The following MEMO1 variants were observed in gnomAD, a reference collection of about 807,000 sequenced individuals.
The protein encoded by MEMO1 is protein MEMO1.
MEMO1 carries 6 observed loss-of-function variants against 45.2 expected under a neutral mutation model. The ratio of observed to expected loss-of-function variants is 0.13; its 90% confidence interval spans 0.07 to 0.26. The LOEUF (loss-of-function observed/expected upper bound fraction) is 0.26. Among genes scored for constraint, MEMO1 ranks in the 10% least tolerant of loss-of-function variants. The pLI is 1.00. For synonymous variants in MEMO1, 78 were observed against 124.3 expected (o/e 0.63, Z 2.48); for missense variants, 184 against 370.5 (o/e 0.50, Z 4.13).
chr2:31,947,376 C>T (rs1247404266), intron 2 of MEMO1, among the ~76,000 whole-genome samples: 1 of 152,108 alleles, frequency 6.6e-6, no homozygotes, highest in Non-Finnish European at 1.5e-5. Flanking sequence ...CTATTTATTA[C>T]GTATGATTGC....
chr2:31,901,374 CAAAAAAAAAAAAAA>C lies in MEMO1; in HGVS notation c.438-9254_438-9241del, dbSNP rs70964738. On this transcript the variant is annotated intron_variant, in intron 6 of 9. Transcript: ENST00000404530. ...AGCGAAAGAGTGAGACTCTGTCTCACAAAAAAAAAAAAAAAAAAAAAAAAAAAGAATTAACTACC... is the reference window on the plus strand; with the variant it reads ...AGCGAAAGAGTGAGACTCTGTCTCACAAAAAAAAAAAAAGAATTAACTACC... 6.5e-3 allele frequency among the ~76,000 whole-genome samples: 148 copies of C among 22,706 alleles called. 2 individuals carry two copies. The highest frequency in any genetic ancestry group is 0.019 in the African/African-American group (146 of 7,670). The allele number at this position is 22,706 out of a possible 152,430, so 14.9% of individuals were successfully genotyped here. A position where few individuals can be genotyped will look rare whatever the true frequency, so the allele number is the denominator to read the frequency against.
chr2:31,967,009 T>C (rs1427870028), intron 2 of MEMO1, among the ~76,000 whole-genome samples: 5 of 152,158 alleles, frequency 3.3e-5, no homozygotes, highest in South Asian at 4.1e-4. Context: ...AGGACAGAAA[T>C]AGTAATCCAT....
At chr2:31,901,590 C>G (rs549533966) in intron 6 of MEMO1, among the ~76,000 whole-genome samples, 11 of 152,004 alleles carry the variant, frequency 7.2e-5, no homozygotes, top group African/African-American at 2.7e-4. Flanking sequence ...CAAATGAACA[C>G]CAGGTTTCTT....
intron 2 of MEMO1, among the ~76,000 whole-genome samples, chr2:31,984,379 A>T (rs1459011434): frequency 6.6e-6 from 1 of 152,250 alleles, no homozygotes; most frequent in African/African-American, 2.4e-5. Context: ...ATTTCACAAA[A>T]TGCCTGACAG....
At chr2:31,933,340 A>ATATAT (rs1664451090) in intron 3 of MEMO1, among the ~76,000 whole-genome samples, 3 of 57,486 alleles carry the variant, frequency 5.2e-5, no homozygotes, top group African/African-American at 2.3e-4. Context: ...AAAAAAAAAA[A>ATATAT]AAAAAAAAAT....
Position 31,966,808 on chromosome 2 carries a change from C to T in MEMO1, c.62-23425G>A, listed in dbSNP as rs192863913. ...AAAAATATTGTATTTATGTTGAAAACAACCTGAGTAAACACTGCCACATTT... is the reference window on the plus strand; with the variant it reads ...AAAAATATTGTATTTATGTTGAAAATAACCTGAGTAAACACTGCCACATTT... On this transcript the variant is annotated intron_variant, in intron 2 of 9. Transcript: ENST00000404530. Among the ~76,000 whole-genome samples, 163 of 149,468 alleles carry T rather than the reference C, an allele frequency of 1.1e-3. 1 individual carries two copies. Among genetic ancestry groups the T allele is most frequent in the African/African-American group, 3.9e-3 (161 of 40,948 alleles).
chr2:31,869,050 G>C (rs1673283523), intron 9 of MEMO1, among the ~76,000 whole-genome samples: 1 of 152,036 alleles, frequency 6.6e-6, no homozygotes, highest in African/African-American at 2.4e-5. Flanking sequence ...TTCTTGAAAA[G>C]CTTTTCTTTG....
At chr2:31,978,042 C>T (rs1670207036) in intron 2 of MEMO1, among the ~76,000 whole-genome samples, 1 of 151,962 alleles carries the variant, frequency 6.6e-6, no homozygotes, top group Admixed American at 6.6e-5. Flanking sequence ...GCACCAACTA[C>T]ATGACTTTGA....
rs1680906028 is a variant in MEMO1, at chr2:31,913,347, G to A, written c.437+4579C>T. 4.0e-5 allele frequency among the ~76,000 whole-genome samples: 6 copies of A among 151,670 alleles called. No homozygotes were observed. In the South Asian group the frequency reaches 1.2e-3, roughly 32 times the overall value. On this transcript the variant is annotated intron_variant, in intron 6 of 9. Transcript: ENST00000404530. ...GTGGTTTATAATAGTGAAAAATGGG[G>A]GGAAGCTTAAAAGCTAAATGGTCAA...
intron 6 of MEMO1, among the ~76,000 whole-genome samples, chr2:31,892,409 G>T (rs577007363): frequency 2.8e-4 from 43 of 152,048 alleles, no homozygotes; most frequent in African/African-American, 1.0e-3. Flanking sequence ...TTACTACCAG[G>T]TATAATAACA....
intron 6 of MEMO1, among the ~76,000 whole-genome samples, chr2:31,903,052 T>C (rs1679103995): frequency 1.3e-5 from 2 of 152,150 alleles, no homozygotes; most frequent in Admixed American, 6.5e-5. Context: ...AATTTTAAAT[T>C]TGTTTAAATA....
At chr2:31,914,961 T>TAAAA (rs34556047) in intron 6 of MEMO1, among the ~76,000 whole-genome samples, 5 of 120,220 alleles carry the variant, frequency 4.2e-5, no homozygotes, top group Admixed American at 8.8e-5. Context: ...TGTCTCTTTT[T>TAAAA]AAAAAAAAAA....
intron 6 of MEMO1, among the ~76,000 whole-genome samples, chr2:31,899,326 C>A (rs1007293262): frequency 2.6e-5 from 4 of 152,152 alleles, no homozygotes; most frequent in African/African-American, 7.2e-5. Context: ...GGTACTGGTA[C>A]CAAAACAGAT....
chr2:31,997,736 T>C (rs1310591497), intron 2 of MEMO1, among the ~76,000 whole-genome samples: 3 of 152,192 alleles, frequency 2.0e-5, no homozygotes, highest in East Asian at 3.9e-4. Context: ...GGTCATAGTA[T>C]GTAAGACCTT....
chr2:31,926,563 T>C (rs1017232695), intron 4 of MEMO1, among the ~76,000 whole-genome samples: 4 of 152,006 alleles, frequency 2.6e-5, no homozygotes, highest in Non-Finnish European at 4.4e-5. Flanking sequence ...GAAATGTTAT[T>C]TTTTGCCAGG....
At chr2:31,938,833 C>G (rs1665259591) in intron 3 of MEMO1, among the ~76,000 whole-genome samples, 1 of 146,098 alleles carries the variant, frequency 6.8e-6, no homozygotes, top group African/African-American at 2.5e-5. Flanking sequence ...ATTACCCAGG[C>G]TGGGGTGCAG....
chr2:31,915,820 AGGC>A, intron 6 of MEMO1, among the ~76,000 whole-genome samples: 1 of 152,280 alleles, frequency 6.6e-6, no homozygotes, highest in South Asian at 2.1e-4. Flanking sequence ...CCCAAATTTT[AGGC>A]AATAAACAGC....
At chr2:31,931,743 A>G (rs1164206383) in intron 4 of MEMO1, among the ~76,000 whole-genome samples, 1 of 152,198 alleles carries the variant, frequency 6.6e-6, no homozygotes, top group African/African-American at 2.4e-5. Context: ...GAAATGATTA[A>G]AACAGATCAG....
chr2:31,929,386 T>C (rs1168470011), intron 4 of MEMO1, among the ~76,000 whole-genome samples: 2 of 149,962 alleles, frequency 1.3e-5, no homozygotes, highest in Admixed American at 1.3e-4. Context: ...AGTTATTTTT[T>C]CATGTAATTT....
Sources: allele counts gnomAD v4.1 joint callset (sites outside exome capture counted in the v4.1 genomes callset), GRCh38; gene constraint gnomAD v4.1.1; transcripts MANE v1.5; gene names NCBI Gene and HGNC (gene_info 2026-07-23, HGNC 2026-07-21).